The following ANKH variants were observed in gnomAD, a reference collection of about 807,000 sequenced individuals.
ANKH encodes mineralization regulator ANKH.
A neutral mutation model predicts 49.0 loss-of-function variants in ANKH; 15 were observed. That is an observed-to-expected ratio of 0.31 (90% CI 0.20 to 0.47). ANKH has a LOEUF of 0.47. ANKH is among the 20% of genes least tolerant of loss of function. The pLI, the probability that ANKH is intolerant of heterozygous loss-of-function variation, is 1.00. For synonymous variants in ANKH, 273 were observed against 260.0 expected (o/e 1.05, Z -0.48); for missense variants, 429 against 652.0 (o/e 0.66, Z 3.72).
At chr5:14,724,293 GT>G (rs1277542730) in intron 8 of ANKH, among the ~76,000 whole-genome samples, 1 of 150,398 alleles carries the variant, frequency 6.6e-6, no homozygotes, top group Non-Finnish European at 1.5e-5. Context: ...CTCCAGCCTG[GT>G]TAACAAGAGT....
intron 8 of ANKH, among the ~76,000 whole-genome samples, chr5:14,732,203 G>C (rs894740007): frequency 4.6e-5 from 7 of 152,190 alleles, no homozygotes; most frequent in African/African-American, 1.7e-4. Flanking sequence ...ACTGCAGCTT[G>C]ATGGAGAACT....
intron 1 of ANKH, among the ~76,000 whole-genome samples, chr5:14,821,395 AACAG>A (rs1176542496): frequency 1.3e-5 from 2 of 152,234 alleles, no homozygotes; most frequent in Non-Finnish European, 2.9e-5. Context: ...GAATTACAGT[AACAG>A]CTCTTTTACT....
chr5:14,871,527 CGGGGCG>C lies in ANKH; in HGVS notation c.-86_-81del, dbSNP rs1230494909. On this transcript the variant is annotated 5_prime_UTR_variant, in exon 1 of 12. Transcript: ENST00000284268. ...GGGGAGGCGAGGGGCGACGGGGCGA[CGGGGCG>C]AGCGGGGCGCGGGCCGACAGAGGCC... The C allele has an allele frequency of 1.4e-5, 12 of 844,714 alleles. No individual in the cohort carries two copies. In the African/African-American group the frequency reaches 2.4e-4, roughly 17 times the overall value. 52.3% of individuals were successfully genotyped at this position (844,714 alleles called of 1,614,324 possible).
intron 1 of ANKH, among the ~76,000 whole-genome samples, chr5:14,789,974 T>A (rs1740112442): frequency 6.6e-6 from 1 of 152,230 alleles, no homozygotes; most frequent in Admixed American, 6.5e-5. Context: ...CCTCCCAAAG[T>A]GCTGGGATTA....
chr5:14,857,431 G>A (rs947263150), intron 1 of ANKH, among the ~76,000 whole-genome samples: 3 of 152,174 alleles, frequency 2.0e-5, no homozygotes, highest in African/African-American at 7.2e-5. Context: ...AAGACAGGTG[G>A]ATCACTTGAG....
In ANKH at chr5:14,871,556, G is replaced by T; in HGVS notation, c.-109C>A. ...GCGAGCGGGGCGCGGGCCGACAGAG[G>T]CCGCGGGCGGCGGGGCCTCGGGCGC... On this transcript the variant is annotated 5_prime_UTR_variant, in exon 1 of 12. Transcript: ENST00000284268. 1.6e-6 allele frequency: 1 copy of T among 627,970 alleles called. No individual in the cohort carries two copies. The highest frequency in any genetic ancestry group is 2.1e-6 in the Non-Finnish European group (1 of 467,264). The allele number at this position is 627,970 out of a possible 1,614,324, so 38.9% of individuals were successfully genotyped here.
intron 1 of ANKH, among the ~76,000 whole-genome samples, chr5:14,795,701 C>T (rs1316037159): frequency 2.0e-5 from 3 of 151,994 alleles, no homozygotes; most frequent in Non-Finnish European, 4.4e-5. Flanking sequence ...ACTAAAAATA[C>T]GAAACAAATT....
At chr5:14,755,986 G>C (rs1261168419) in intron 3 of ANKH, 42 bp from the exon 4 acceptor site, 12 of 1,535,350 alleles carry the variant, frequency 7.8e-6, no homozygotes, top group African/African-American at 1.4e-5. Flanking sequence ...ACACCTTCAG[G>C]ATTATGCTGT....
At chr5:14,753,369 T>C (rs1179428411) in intron 4 of ANKH, among the ~76,000 whole-genome samples, 2 of 152,132 alleles carry the variant, frequency 1.3e-5, no homozygotes, top group Non-Finnish European at 2.9e-5. Flanking sequence ...CACCGCGCAA[T>C]TGGAGGAAGA....
chr5:14,751,262 C>T (rs769143613), intron 4 of ANKH, 23 bp from the exon 5 acceptor site: 4 of 1,613,074 alleles, frequency 2.5e-6, no homozygotes, highest in African/African-American at 2.7e-5. Context: ...AGAACGGGAA[C>T]AGGTCAGAGG....
intron 2 of ANKH, among the ~76,000 whole-genome samples, chr5:14,762,497 T>C (rs372987878): frequency 1.9e-4 from 29 of 152,308 alleles, no homozygotes; most frequent in Middle Eastern, 6.8e-3. Context: ...TTTCAGTCTC[T>C]TCCTCTTTCA....
chr5:14,712,987 C>G lies in ANKH; in HGVS notation c.1266-14G>C. 1 of 1,608,964 alleles carries G rather than the reference C, an allele frequency of 6.2e-7. No homozygotes were observed. Among genetic ancestry groups the G allele is most frequent in the Non-Finnish European group, 8.5e-7 (1 of 1,177,902 alleles). On this transcript the variant is annotated splice_polypyrimidine_tract_variant and intron_variant, in intron 10 of 11. Coordinates refer to ENST00000284268, the MANE Select transcript of ANKH (RefSeq NM_054027.6). ...GCACCGTGCACCCTGCAGATGAGAACACAAAGGCAATTTGTCTGTTAAGGC... is the reference window on the plus strand; with the variant it reads ...GCACCGTGCACCCTGCAGATGAGAAGACAAAGGCAATTTGTCTGTTAAGGC...
At chr5:14,822,047 A>G (rs544626047) in intron 1 of ANKH, among the ~76,000 whole-genome samples, 130 of 152,322 alleles carry the variant, frequency 8.5e-4, no homozygotes, top group Admixed American at 2.4e-3. Context: ...GACATTTCAC[A>G]TGATCCCTTT....
At chr5:14,816,635 T>C (rs1048767953) in intron 1 of ANKH, among the ~76,000 whole-genome samples, 1 of 152,180 alleles carries the variant, frequency 6.6e-6, no homozygotes, top group Non-Finnish European at 1.5e-5. Context: ...GCATCAATAT[T>C]TTCAGGAGGC....
intron 2 of ANKH, among the ~76,000 whole-genome samples, chr5:14,762,281 A>C (rs1739112490): frequency 1.3e-5 from 2 of 152,174 alleles, no homozygotes; most frequent in African/African-American, 4.8e-5. Context: ...GTAAACATGT[A>C]ATATTTATGG....
At chr5:14,856,312 T>C (rs1257336382) in intron 1 of ANKH, among the ~76,000 whole-genome samples, 1 of 152,102 alleles carries the variant, frequency 6.6e-6, no homozygotes, top group Non-Finnish European at 1.5e-5. Context: ...CTCAAAGTCT[T>C]TGCAATACTA....
chr5:14,831,018 A>T lies in ANKH; in HGVS notation c.96+40334T>A, dbSNP rs141964267. On this transcript the variant is annotated intron_variant, in intron 1 of 11. Transcript: ENST00000284268. ...GAAAGTTAAATCATTCACTTTTTTA[A>T]GGGCAAAAAAAGAATTTTTTGAATT... Among the ~76,000 whole-genome samples, 78 of 152,278 alleles carry T rather than the reference A, an allele frequency of 5.1e-4. 1 individual carries two copies. The highest frequency in any genetic ancestry group is 1.3e-3 in the African/African-American group (54 of 41,564).
At chr5:14,851,303 C>T (rs527958322) in intron 1 of ANKH, among the ~76,000 whole-genome samples, 1 of 152,298 alleles carries the variant, frequency 6.6e-6, no homozygotes, top group South Asian at 2.1e-4. Flanking sequence ...CTGGACTCCG[C>T]CTTCCTCTGT....
At chr5:14,772,450 A>G (rs891664503) in intron 1 of ANKH, among the ~76,000 whole-genome samples, 6 of 152,210 alleles carry the variant, frequency 3.9e-5, no homozygotes, top group African/African-American at 1.4e-4. Context: ...ATTGTTTCCA[A>G]TTTTATCTCT....
Sources: allele counts gnomAD v4.1 joint callset (sites outside exome capture counted in the v4.1 genomes callset), GRCh38; gene constraint gnomAD v4.1.1; transcripts MANE v1.5; gene names NCBI Gene and HGNC (gene_info 2026-07-23, HGNC 2026-07-21).